PEX14: variants seen among roughly 807,000 people sequenced by gnomAD.
The protein encoded by PEX14 is peroxisomal biogenesis factor 14, also known as peroxisomal membrane protein PEX14.
A neutral mutation model predicts 49.5 loss-of-function variants in PEX14; 15 were observed. The observed-to-expected ratio is 0.30, with a 90% CI of 0.20 to 0.47. The LOEUF is 0.47. Ranked by LOEUF, PEX14 falls within the 20% of genes least tolerant of loss-of-function variation. The pLI, the probability that PEX14 is intolerant of heterozygous loss-of-function variation, is 1.00. For missense variants in PEX14, 398 were observed against 494.8 expected (o/e 0.80, Z 1.86); for synonymous variants, 210 against 212.7 (o/e 0.99, Z 0.11).
At chr1:10,510,336 T>A (rs1405993376) in intron 2 of PEX14, among the ~76,000 whole-genome samples, 1 of 152,246 alleles carries the variant, frequency 6.6e-6, no homozygotes. Context: ...GATGGCAGGC[T>A]GCAGATAAAT....
At chr1:10,560,203 G>C (rs1455474176) in intron 3 of PEX14, among the ~76,000 whole-genome samples, 1 of 151,708 alleles carries the variant, frequency 6.6e-6, no homozygotes, top group Non-Finnish European at 1.5e-5. Flanking sequence ...GATTACAGGC[G>C]CCCGCCACCA....
intron 2 of PEX14, among the ~76,000 whole-genome samples, chr1:10,505,120 A>G (rs931824003): frequency 2.0e-5 from 3 of 152,214 alleles, no homozygotes; most frequent in African/African-American, 7.2e-5. Context: ...GTTTCATTTA[A>G]CTAGCATTTA....
intron 2 of PEX14, among the ~76,000 whole-genome samples, chr1:10,509,873 C>T (rs6540934): frequency 0.079 from 11,971 of 152,064 alleles, 1,107 homozygotes; most frequent in African/African-American, 0.22. Flanking sequence ...CTTTTCCTGC[C>T]GAAGCAGCTT....
intron 1 of PEX14, among the ~76,000 whole-genome samples, chr1:10,489,699 C>T (rs922828161): frequency 1.3e-5 from 2 of 152,222 alleles, no homozygotes; most frequent in African/African-American, 4.8e-5. Context: ...TTTCTGAAGT[C>T]TGTCCTGCAG....
intron 4 of PEX14, among the ~76,000 whole-genome samples, chr1:10,604,062 G>A (rs1641060468): frequency 6.6e-6 from 1 of 152,168 alleles, no homozygotes. Flanking sequence ...TGCCTACTGT[G>A]TGCCAGACCC....
At chr1:10,564,095 T>A (rs960107458) in intron 3 of PEX14, among the ~76,000 whole-genome samples, 7 of 152,186 alleles carry the variant, frequency 4.6e-5, no homozygotes, top group African/African-American at 1.7e-4. Context: ...TGAGGTGGTT[T>A]TCTTTGTAGT....
intron 3 of PEX14, among the ~76,000 whole-genome samples, chr1:10,560,138 A>C (rs560541015): frequency 1.3e-5 from 2 of 151,626 alleles, no homozygotes; most frequent in Non-Finnish European, 2.9e-5. Flanking sequence ...GCTCACTGCA[A>C]TCTCTGCCTC....
intron 1 of PEX14, among the ~76,000 whole-genome samples, chr1:10,492,373 A>G (rs1373368820): frequency 6.6e-6 from 1 of 152,224 alleles, no homozygotes; most frequent in African/African-American, 2.4e-5. Flanking sequence ...TGTCTGGTCA[A>G]ATAACCTACA....
intron 2 of PEX14, among the ~76,000 whole-genome samples, chr1:10,524,071 TCAGATTCCCA>T (rs1319146406): frequency 7.2e-5 from 11 of 152,210 alleles, no homozygotes; most frequent in African/African-American, 2.7e-4. Context: ...CGAGCGCTAA[TCAGATTCCCA>T]CAGATAAATG....
intron 5 of PEX14, among the ~76,000 whole-genome samples, chr1:10,620,431 T>A (rs900710932): frequency 5.3e-5 from 8 of 151,992 alleles, no homozygotes; most frequent in African/African-American, 1.9e-4. Context: ...GAGGTTGCAG[T>A]GAACTGAGAT....
At chr1:10,542,076 T>C (rs911589306) in intron 3 of PEX14, among the ~76,000 whole-genome samples, 3 of 30,574 alleles carry the variant, frequency 9.8e-5, no homozygotes, top group Admixed American at 5.1e-4. Context: ...TTGGCATGTA[T>C]TAGTAAAAAA....
chr1:10,519,838 G>A (rs1002553754), intron 2 of PEX14, among the ~76,000 whole-genome samples: 35 of 151,698 alleles, frequency 2.3e-4, no homozygotes, highest in Admixed American at 9.2e-4. Context: ...AGTGCAGTGT[G>A]CAAACACGGC....
At position 10,613,221 on chromosome 1, in the gene PEX14, C is replaced by T. The variant is rs1035215558; in HGVS notation, c.299-5111C>T. Among the ~76,000 whole-genome samples the T allele has an allele frequency of 6.6e-6, 1 of 152,188 alleles. No homozygotes were observed. Among genetic ancestry groups the T allele is most frequent in the African/African-American group, 2.4e-5 (1 of 41,430 alleles). On this transcript the variant is annotated intron_variant, in intron 4 of 8. Transcript: ENST00000356607. This position sits in a 1 kb window ranked among gnomAD's most constrained non-coding sequence, Gnocchi z 5.0. Reference sequence around the variant, plus strand: ...GTTCTTAGTTGATGATGTTTGTTCTCACCTGTTAGGTGAGAATTTGGTTGG... The same window carrying T: ...GTTCTTAGTTGATGATGTTTGTTCTTACCTGTTAGGTGAGAATTTGGTTGG...
At chr1:10,527,319 C>T (rs1638516478) in intron 2 of PEX14, among the ~76,000 whole-genome samples, 1 of 150,370 alleles carries the variant, frequency 6.7e-6, no homozygotes, top group African/African-American at 2.4e-5. Flanking sequence ...GAGATTGAGA[C>T]CATCCTTGCC....
rs1040415218 is a variant in PEX14 at position 10,494,506 on chromosome 1, C to A, written c.37-768C>A. ...AGAATCTGTCTCTACCTCTGCCTCT[C>A]CCTTTCTCTAAATTTTGGCCAGATC... On this transcript the variant is annotated intron_variant, in intron 1 of 8. Transcript: ENST00000356607. The surrounding 1 kb of genome is among the most constrained non-coding windows in gnomAD (Gnocchi z 4.3). Among the ~76,000 whole-genome samples the A allele has an allele frequency of 6.6e-6, 1 of 152,224 alleles. No individual in the cohort carries two copies.
intron 3 of PEX14, among the ~76,000 whole-genome samples, chr1:10,566,845 G>T (rs1007893364): frequency 2.0e-5 from 3 of 150,900 alleles, no homozygotes; most frequent in South Asian, 2.1e-4. Flanking sequence ...ACCTCAAGTT[G>T]TTTTTTTTTA....
intron 3 of PEX14, among the ~76,000 whole-genome samples, chr1:10,557,409 A>G (rs1639518295): frequency 1.3e-5 from 2 of 152,158 alleles, no homozygotes; most frequent in East Asian, 1.9e-4. Flanking sequence ...AACATGGTGA[A>G]ACCTCGTCTC....
chr1:10,516,859 G>A (rs1036823824), intron 2 of PEX14, among the ~76,000 whole-genome samples: 6 of 152,186 alleles, frequency 3.9e-5, no homozygotes, highest in African/African-American at 1.4e-4. Flanking sequence ...CGAGGTCACG[G>A]GCTGTCCTTG....
At chr1:10,588,119 G>C (rs1423589313) in intron 3 of PEX14, among the ~76,000 whole-genome samples, 1 of 151,760 alleles carries the variant, frequency 6.6e-6, no homozygotes, top group Non-Finnish European at 1.5e-5. Context: ...TACTCGGGAG[G>C]CTGAGGTAGA....
Sources: allele counts gnomAD v4.1 joint callset (sites outside exome capture counted in the v4.1 genomes callset), GRCh38; gene constraint gnomAD v4.1.1; non-coding constraint Gnocchi (gnomAD v3.1); transcripts MANE v1.5; gene names NCBI Gene and HGNC (gene_info 2026-07-23, HGNC 2026-07-21).